Variants in BBS9 observed in about 807,000 individuals in gnomAD.
BBS9 encodes the protein protein PTHB1.
BBS9 carries 89 observed loss-of-function variants against 117.7 expected under a neutral mutation model. That is an observed-to-expected ratio of 0.76 (90% CI 0.64 to 0.90). BBS9 has a LOEUF of 0.90. Ranked by LOEUF, BBS9 falls within the 40% of genes least tolerant of loss-of-function variation. The pLI is 0.00. For missense variants in BBS9, 982 were observed against 1,042.2 expected (o/e 0.94, Z 0.80); for synonymous variants, 379 against 370.9 (o/e 1.02, Z -0.25).
chr7:33,524,740 C>G (rs1849207641), intron 20 of BBS9, among the ~76,000 whole-genome samples: 1 of 152,130 alleles, frequency 6.6e-6, no homozygotes, highest in Non-Finnish European at 1.5e-5. Context: ...TTTTGTGTCT[C>G]TATTTCCTTC....
Position 33,383,661 on chromosome 7 carries a change from C to T in BBS9, c.1790-5C>T. The T allele has an allele frequency of 1.3e-6, 2 of 1,599,220 alleles. No individual in the cohort carries two copies. The highest frequency in any genetic ancestry group is 1.7e-6 in the Non-Finnish European group (2 of 1,170,626). On this transcript the variant is annotated splice_region_variant and splice_polypyrimidine_tract_variant and intron_variant, in intron 17 of 22. Coordinates refer to ENST00000242067, the MANE Select transcript of BBS9 (RefSeq NM_198428.3). ...AAGCATTTTTCCTTAATTTTTTTCT[C>T]TCAGAACGATATCGCATTCAGAGTG... is the stretch of plus-strand genomic sequence containing the variant.
chr7:33,449,252 G>A (rs1353064502), intron 19 of BBS9, among the ~76,000 whole-genome samples: 1 of 152,180 alleles, frequency 6.6e-6, no homozygotes, highest in Non-Finnish European at 1.5e-5. Flanking sequence ...GCAATGCCCT[G>A]TTTATTCCCT....
chr7:33,613,682 A>C (rs1864992676), intron 21 of BBS9, among the ~76,000 whole-genome samples: 1 of 152,046 alleles, frequency 6.6e-6, no homozygotes, highest in Non-Finnish European at 1.5e-5. Flanking sequence ...CATACACGAA[A>C]AAAAATTAAC....
chr7:33,420,934 A>G (rs73103533), intron 19 of BBS9, among the ~76,000 whole-genome samples: 14,723 of 152,220 alleles, frequency 0.097, 995 homozygotes, highest in Non-Finnish European at 0.15. Flanking sequence ...GCCGGCCACT[A>G]TTCTTTTCCA....
intron 5 of BBS9, among the ~76,000 whole-genome samples, chr7:33,193,896 T>C (rs1684186895): frequency 6.6e-6 from 1 of 152,202 alleles, no homozygotes; most frequent in Admixed American, 6.5e-5. Flanking sequence ...GCTTCCCTTG[T>C]TTGTATTTCA....
chr7:33,530,521 T>C (rs2129055313), intron 20 of BBS9, among the ~76,000 whole-genome samples: 1 of 152,334 alleles, frequency 6.6e-6, no homozygotes, highest in South Asian at 2.1e-4. Flanking sequence ...ATTTTTTTCT[T>C]CTTTACTCCA....
intron 20 of BBS9, among the ~76,000 whole-genome samples, chr7:33,510,180 T>G (rs1585067763): frequency 6.6e-6 from 1 of 152,306 alleles, no homozygotes; most frequent in African/African-American, 2.4e-5. Flanking sequence ...CAAAATAATG[T>G]TCTAGCAGAG....
At chr7:33,293,984 T>A (rs1347645368) in intron 9 of BBS9, among the ~76,000 whole-genome samples, 1 of 152,202 alleles carries the variant, frequency 6.6e-6, no homozygotes, top group East Asian at 1.9e-4. Flanking sequence ...TATATTGTTC[T>A]AATGTGGGGC....
intron 5 of BBS9, among the ~76,000 whole-genome samples, chr7:33,242,307 G>A (rs1794662781): frequency 1.3e-5 from 2 of 151,998 alleles, no homozygotes; most frequent in Non-Finnish European, 2.9e-5. Context: ...TTACAGTAGA[G>A]GTAGAGCTCT....
In BBS9 at chr7:33,231,428, C is replaced by CTTTTTTTTTTTTTTTTTTTTT. The variant is rs35407590; in HGVS notation, c.443-25791_443-25790insTTTTTTTTTTTTTTTTTTTTT. On this transcript the variant is annotated intron_variant, in intron 5 of 22. Transcript: ENST00000242067. ...TATTCTGTTCCTCTGGCCTATGTGTCTTTTTTTTTTTTTTTTTGCCAGGAC... is the reference window on the plus strand; with the variant it reads ...TATTCTGTTCCTCTGGCCTATGTGTCTTTTTTTTTTTTTTTTTTTTTTTTTTTTTTTTTTTTTTGCCAGGAC... Among the ~76,000 whole-genome samples, 144 of 106,312 alleles carry CTTTTTTTTTTTTTTTTTTTTT rather than the reference C, an allele frequency of 1.4e-3. 3 individuals carry two copies. The highest frequency in any genetic ancestry group is 5.0e-3 in the Middle Eastern group (1 of 200). 69.7% of individuals were successfully genotyped at this position (106,312 alleles called of 152,430 possible). A position where few individuals can be genotyped will look rare whatever the true frequency, so the allele number is the denominator to read the frequency against.
At chr7:33,532,351 A>G (rs1425927542) in intron 20 of BBS9, among the ~76,000 whole-genome samples, 1 of 152,152 alleles carries the variant, frequency 6.6e-6, no homozygotes, top group African/African-American at 2.4e-5. Context: ...TGAATTTAGG[A>G]GTTTGTATTA....
chr7:33,441,145 C>G (rs890931842), intron 19 of BBS9, among the ~76,000 whole-genome samples: 19 of 151,984 alleles, frequency 1.3e-4, no homozygotes, highest in African/African-American at 4.6e-4. Context: ...TGTTATATAA[C>G]AAGTAGAATA....
At chr7:33,209,691 A>C (rs1006504729) in intron 5 of BBS9, among the ~76,000 whole-genome samples, 1 of 152,178 alleles carries the variant, frequency 6.6e-6, no homozygotes, top group African/African-American at 2.4e-5. Flanking sequence ...ATAGTTGCTC[A>C]TAGTACCTCC....
chr7:33,269,726 G>GAA (rs889472546), intron 7 of BBS9, among the ~76,000 whole-genome samples: 9 of 110,380 alleles, frequency 8.2e-5, no homozygotes, highest in Admixed American at 9.6e-5. Context: ...ACTCCAAATG[G>GAA]AAAAAAAAAA....
At chr7:33,536,668 TG>T (rs61602085) in intron 21 of BBS9, among the ~76,000 whole-genome samples, 121,735 of 121,782 alleles carry the variant, frequency 1, 60,844 homozygotes, top group Middle Eastern at 1. Flanking sequence ...TAAGCTGTTC[TG>T]TGATTCGGCC....
At chr7:33,226,531 C>T (rs547473016) in intron 5 of BBS9, among the ~76,000 whole-genome samples, 2 of 152,260 alleles carry the variant, frequency 1.3e-5, no homozygotes, top group East Asian at 3.9e-4. Context: ...CCAGCAACTC[C>T]ACTCTGTGTA....
chr7:33,264,217 T>G (rs1251762561), intron 6 of BBS9, 73 bp from the exon 7 acceptor site: 1 of 803,428 alleles, frequency 1.2e-6, no homozygotes, highest in Non-Finnish European at 1.8e-6. Context: ...TATTGTGTAC[T>G]TTTAAAGTTT....
At chr7:33,422,516 G>A (rs1266236419) in intron 19 of BBS9, among the ~76,000 whole-genome samples, 1 of 152,086 alleles carries the variant, frequency 6.6e-6, no homozygotes, top group Admixed American at 6.6e-5. Context: ...AAGAATATTG[G>A]CTAAGTAGTA....
intron 10 of BBS9, among the ~76,000 whole-genome samples, chr7:33,338,290 A>G (rs1815795560): frequency 6.6e-6 from 1 of 152,164 alleles, no homozygotes; most frequent in Admixed American, 6.5e-5. Context: ...AAATTTAGTA[A>G]CTTGTACCCT....
Sources: allele counts gnomAD v4.1 joint callset (sites outside exome capture counted in the v4.1 genomes callset), GRCh38; gene constraint gnomAD v4.1.1; transcripts MANE v1.5; gene names NCBI Gene and HGNC (gene_info 2026-07-23, HGNC 2026-07-21).